Variants in ARHGAP10 observed in about 807,000 individuals in gnomAD.
ARHGAP10 encodes rho GTPase-activating protein 10.
ARHGAP10 carries 87 observed loss-of-function variants against 108.6 expected under a neutral mutation model. That is an observed-to-expected ratio of 0.80 (90% CI 0.67 to 0.96). The LOEUF is 0.96. Ranked by LOEUF, ARHGAP10 falls within the 40% of genes least tolerant of loss-of-function variation. The pLI is 0.00. For missense variants in ARHGAP10, 939 were observed against 954.5 expected (o/e 0.98, Z 0.21); for synonymous variants, 347 against 341.1 (o/e 1.02, Z -0.19).
intron 14 of ARHGAP10, among the ~76,000 whole-genome samples, chr4:147,944,985 C>T (rs1372182307): frequency 6.6e-6 from 1 of 152,150 alleles, no homozygotes; most frequent in Non-Finnish European, 1.5e-5. Context: ...TGCTCTCAAT[C>T]GTTCTGTGAG....
At chr4:147,862,901 T>C (rs1734387326) in intron 5 of ARHGAP10, 1 of 152,234 alleles carries the variant, frequency 6.6e-6, no homozygotes, top group African/African-American at 2.4e-5. Context: ...TGCTGATGGC[T>C]GAACTATCAA....
At chr4:147,961,855 A>G (rs1018481882) in intron 16 of ARHGAP10, among the ~76,000 whole-genome samples, 1 of 152,054 alleles carries the variant, frequency 6.6e-6, no homozygotes, top group Non-Finnish European at 1.5e-5. Context: ...CTTCCTGATG[A>G]CATCGTACCT....
intron 13 of ARHGAP10, among the ~76,000 whole-genome samples, chr4:147,926,597 G>A (rs540453863): frequency 8.5e-5 from 13 of 152,152 alleles, no homozygotes; most frequent in Non-Finnish European, 1.3e-4. Context: ...CAAGAGGAGA[G>A]ATGGCAGGAA....
intron 1 of ARHGAP10, among the ~76,000 whole-genome samples, chr4:147,796,070 A>T (rs1401376040): frequency 6.6e-6 from 1 of 152,200 alleles, no homozygotes; most frequent in Non-Finnish European, 1.5e-5. Context: ...CTCAAACAGA[A>T]ATAGAAGACC....
intron 1 of ARHGAP10, among the ~76,000 whole-genome samples, chr4:147,777,968 T>TA (rs1730363936): frequency 6.6e-6 from 1 of 152,164 alleles, no homozygotes; most frequent in Admixed American, 6.5e-5. Flanking sequence ...AGTGTGTAGT[T>TA]ACTGTTCATT....
At chr4:147,847,046 G>T (rs991501613) in intron 3 of ARHGAP10, 105 bp from the exon 4 acceptor site, 19 of 874,718 alleles carry the variant, frequency 2.2e-5, no homozygotes, top group Non-Finnish European at 2.8e-5. Context: ...CGTTAAATAC[G>T]TTCATTTTCT....
At chr4:147,942,482 T>A (rs1169689985) in intron 14 of ARHGAP10, among the ~76,000 whole-genome samples, 4 of 152,236 alleles carry the variant, frequency 2.6e-5, no homozygotes, top group Non-Finnish European at 5.9e-5. Flanking sequence ...ATGCTTAATC[T>A]CTTGCATGTT....
intron 14 of ARHGAP10, among the ~76,000 whole-genome samples, chr4:147,944,538 G>C (rs1334670658): frequency 6.6e-6 from 1 of 152,130 alleles, no homozygotes; most frequent in Non-Finnish European, 1.5e-5. Flanking sequence ...ATCATCCCAA[G>C]CCTAAAACTT....
At chr4:147,827,853 C>G (rs1016187830) in intron 3 of ARHGAP10, among the ~76,000 whole-genome samples, 1 of 152,048 alleles carries the variant, frequency 6.6e-6, no homozygotes, top group Non-Finnish European at 1.5e-5. Context: ...GTCACCAGGC[C>G]TGAGTGCAGT....
intron 20 of ARHGAP10, among the ~76,000 whole-genome samples, chr4:148,060,458 T>A (rs1173142023): frequency 6.6e-6 from 1 of 151,830 alleles, no homozygotes; most frequent in African/African-American, 2.4e-5. Context: ...GTGAACCCAT[T>A]ACACGACTTA....
chr4:147,922,797 A>AT (rs1737305354), intron 13 of ARHGAP10, among the ~76,000 whole-genome samples: 2 of 152,094 alleles, frequency 1.3e-5, no homozygotes, highest in African/African-American at 4.8e-5. Context: ...GCCTATCTTC[A>AT]TTTCCTTCTT....
intron 3 of ARHGAP10, among the ~76,000 whole-genome samples, chr4:147,843,180 G>A (rs762810736): frequency 6.3e-4 from 96 of 152,152 alleles, no homozygotes; most frequent in Non-Finnish European, 1.1e-3. Flanking sequence ...AACCCTCCAT[G>A]CATGCTCAGC....
chr4:147,956,940 T>C (rs1738809021), intron 16 of ARHGAP10, among the ~76,000 whole-genome samples: 1 of 152,108 alleles, frequency 6.6e-6, no homozygotes, highest in Non-Finnish European at 1.5e-5. Flanking sequence ...GGTAGGAGCT[T>C]ATATCTTAAG....
chr4:147,766,323 C>T (rs1414186045), intron 1 of ARHGAP10, among the ~76,000 whole-genome samples: 1 of 151,062 alleles, frequency 6.6e-6, no homozygotes, highest in Non-Finnish European at 1.5e-5. Context: ...TGCATATAAC[C>T]CACCCATGTC....
chr4:147,839,084 GATCTATCGTATCT>G (rs1395690768), intron 3 of ARHGAP10, among the ~76,000 whole-genome samples: 54 of 150,054 alleles, frequency 3.6e-4, no homozygotes, highest in Non-Finnish European at 4.7e-4. Flanking sequence ...TTTATGTTTA[GATCTATCGTATCT>G]ATCTATCTAT....
At chr4:147,839,142 A>ATCTATCTATCTGTCTG (rs374128534) in intron 3 of ARHGAP10, among the ~76,000 whole-genome samples, 18 of 117,852 alleles carry the variant, frequency 1.5e-4, no homozygotes, top group East Asian at 5.1e-4. Flanking sequence ...CTATCTATCT[A>ATCTATCTATCTGTCTG]TCTGTCTGTC....
intron 10 of ARHGAP10, among the ~76,000 whole-genome samples, chr4:147,885,201 T>A (rs1735496174): frequency 6.6e-6 from 1 of 152,130 alleles, no homozygotes; most frequent in Admixed American, 6.5e-5. Flanking sequence ...TATTAGTTCA[T>A]TTTCATACTG....
In ARHGAP10 at chr4:148,063,169, T is replaced by C; in HGVS notation, c.2049T>C (p.Ser683=). 1 of 1,614,208 alleles carries C rather than the reference T, an allele frequency of 6.2e-7. No homozygotes were observed. Reference sequence around the variant, plus strand: ...TTAGCCCAGGCCAGACCCGATCGTCTATGGTCCAGTGGCTTAACCCACAGT... The same window carrying C: ...TTAGCCCAGGCCAGACCCGATCGTCCATGGTCCAGTGGCTTAACCCACAGT... ...ASTIPGQTRS[S]MVQWLNPQSP... is the part of the protein sequence containing the mutation. The change falls in exon 21 of 23, where the codon TCT becomes TCC. Residue 683 remains serine, a synonymous_variant. Transcript: ENST00000336498.
At chr4:147,910,442 T>A (rs760215680) in intron 12 of ARHGAP10, among the ~76,000 whole-genome samples, 9 of 152,180 alleles carry the variant, frequency 5.9e-5, no homozygotes, top group Non-Finnish European at 1.3e-4. Context: ...ACCTTCAACT[T>A]CTTGTCTGAG....
Sources: allele counts gnomAD v4.1 joint callset (sites outside exome capture counted in the v4.1 genomes callset), GRCh38; gene constraint gnomAD v4.1.1; transcripts MANE v1.5; gene names NCBI Gene and HGNC (gene_info 2026-07-23, HGNC 2026-07-21).